Variants in LRP11 observed in about 807,000 individuals in gnomAD.
LRP11 encodes the protein LDL receptor related protein 11.
Under a neutral mutation model 43.1 loss-of-function variants are expected in LRP11, and 25 were observed. The ratio of observed to expected loss-of-function variants is 0.58; its 90% CI spans 0.42 to 0.81. The LOEUF (loss-of-function observed/expected upper bound fraction) is 0.81. Among genes scored for constraint, LRP11 ranks in the 30% least tolerant of loss-of-function variants. The pLI is 0.00. For missense variants in LRP11, 623 were observed against 665.1 expected (o/e 0.94, Z 0.70); for synonymous variants, 316 against 299.4 (o/e 1.06, Z -0.57).
intron 1 of LRP11, among the ~76,000 whole-genome samples, chr6:149,856,796 T>C (rs1256184494): frequency 6.6e-6 from 1 of 152,076 alleles, no homozygotes. Context: ...AGAGCCTCCA[T>C]GACAAGGAAG....
chr6:149,846,182 G>A (rs1048837537), intron 2 of LRP11, among the ~76,000 whole-genome samples: 1 of 152,234 alleles, frequency 6.6e-6, no homozygotes, highest in East Asian at 1.9e-4. Context: ...AGGGCAAGGT[G>A]CAGGTGGTGA....
At chr6:149,843,188 C>T (rs1050862354) in intron 2 of LRP11, 64 bp from the exon 3 acceptor site, 3 of 1,598,672 alleles carry the variant, frequency 1.9e-6, no homozygotes, top group Admixed American at 1.7e-5. Context: ...CAACACCATC[C>T]TCAACCGAAA....
intron 2 of LRP11, among the ~76,000 whole-genome samples, chr6:149,844,341 T>G (rs1402313043): frequency 6.6e-6 from 1 of 152,196 alleles, no homozygotes; most frequent in Non-Finnish European, 1.5e-5. Flanking sequence ...CCCTGCTTCC[T>G]TGGCCTCCTT....
At position 149,863,801 on chromosome 6, in the gene LRP11, C is replaced by A; in HGVS notation, c.220G>T (p.Glu74Ter). The A allele has an allele frequency of 1.3e-6, 2 of 1,499,134 alleles. No homozygotes were observed. The highest frequency in any genetic ancestry group is 1.8e-6 in the Non-Finnish European group (2 of 1,132,364). 92.9% of individuals were successfully genotyped at this position (1,499,134 alleles called of 1,614,324 possible). A position where few individuals can be genotyped will look rare whatever the true frequency, so the allele number is the denominator to read the frequency against. Residue 74 changes from glutamate (E) to a stop codon, truncating the protein, a stop_gained, in exon 1 of 7, where the codon GAG becomes TAG. Transcript: ENST00000239367. LOFTEE classifies it high-confidence loss of function. ...CCCGCGCGCAGCTCCAGCTCCAGCTCCTCCTGAGGCCGCTCCTGCTGCAGT... is the reference window on the plus strand; with the variant it reads ...CCCGCGCGCAGCTCCAGCTCCAGCTACTCCTGAGGCCGCTCCTGCTGCAGT... ...RQLQQERPQE[E>*]LELELRAGGG...
At chr6:149,862,203 C>G (rs1776914141) in intron 1 of LRP11, among the ~76,000 whole-genome samples, 1 of 152,168 alleles carries the variant, frequency 6.6e-6, no homozygotes, top group South Asian at 2.1e-4. Context: ...TGAGCCTCAT[C>G]TAAGGTAGAG....
At chr6:149,857,447 G>C (rs1776816274) in intron 1 of LRP11, among the ~76,000 whole-genome samples, 1 of 151,532 alleles carries the variant, frequency 6.6e-6, no homozygotes, top group Admixed American at 6.6e-5. Context: ...CAAAGCTACG[G>C]TGAGCCAAGA....
Position 149,846,282 on chromosome 6 carries a change from G to A in LRP11, c.772-3158C>T, listed in dbSNP as rs554261628. 1.2e-4 allele frequency among the ~76,000 whole-genome samples: 18 copies of A among 152,350 alleles called. No individual in the cohort carries two copies. In the South Asian group the frequency reaches 3.7e-3, roughly 32 times the overall value. On this transcript the variant is annotated intron_variant, in intron 2 of 6. Transcript: ENST00000239367. ...TAGCTCGGAACCAGGCTGGTGGGCA[G>A]CAGTGCAATAGCTTATGCCCTCATT...
intron 3 of LRP11, among the ~76,000 whole-genome samples, chr6:149,839,044 A>T (rs1001479384): frequency 2.6e-5 from 4 of 151,088 alleles, no homozygotes; most frequent in Non-Finnish European, 4.4e-5. Context: ...TCTTGGACAT[A>T]CACTTGGTTT....
At chr6:149,847,876 C>CAT (rs1776662368) in intron 2 of LRP11, among the ~76,000 whole-genome samples, 1 of 127,120 alleles carries the variant, frequency 7.9e-6, no homozygotes, top group Admixed American at 8.1e-5. Context: ...CACACACACA[C>CAT]ACATTGTATA....
chr6:149,850,082 C>A (rs779681448), intron 2 of LRP11, among the ~76,000 whole-genome samples: 1 of 152,052 alleles, frequency 6.6e-6, no homozygotes, highest in Non-Finnish European at 1.5e-5. Flanking sequence ...AGGAGATGGG[C>A]GCTCAGGGGA....
intron 5 of LRP11, among the ~76,000 whole-genome samples, chr6:149,835,365 C>T (rs1289192831): frequency 1.3e-5 from 2 of 152,156 alleles, no homozygotes; most frequent in African/African-American, 2.4e-5. Flanking sequence ...GGAGGCCAGC[C>T]GAGGTGGGCA....
chr6:149,825,794 G>A (rs551994507), intron 6 of LRP11, among the ~76,000 whole-genome samples: 8 of 152,000 alleles, frequency 5.3e-5, no homozygotes, highest in African/African-American at 1.7e-4. Flanking sequence ...GACTACAGGC[G>A]AATGTCACCA....
chr6:149,827,994 C>T lies in LRP11; in HGVS notation c.1253-1635G>A, dbSNP rs993972825. Among the ~76,000 whole-genome samples the T allele has an allele frequency of 1.3e-5, 2 of 149,182 alleles. No individual in the cohort carries two copies. The highest frequency in any genetic ancestry group is 2.1e-4 in the South Asian group (1 of 4,700). On this transcript the variant is annotated intron_variant, in intron 5 of 6. Transcript: ENST00000239367. This position sits in a 1 kb window ranked among gnomAD's most constrained non-coding sequence, Gnocchi z 4.2. ...CCGAGATCGCGCCACTGCACTCCAG[C>T]CTGGGCGACTGAGCAAGACTCCGTC... is the stretch of plus-strand genomic sequence containing the variant.
At chr6:149,856,886 C>T (rs61292046) in intron 1 of LRP11, among the ~76,000 whole-genome samples, 16,301 of 151,896 alleles carry the variant, frequency 0.11, 2,389 homozygotes, top group African/African-American at 0.34. Context: ...GGTACGGAAG[C>T]GGGGCGAGAC....
intron 1 of LRP11, among the ~76,000 whole-genome samples, chr6:149,854,417 T>C (rs1776768628): frequency 6.6e-6 from 1 of 152,206 alleles, no homozygotes. Flanking sequence ...TATATTTACC[T>C]TTAACCTAGA....
chr6:149,844,588 C>T (rs940916300), intron 2 of LRP11, among the ~76,000 whole-genome samples: 2 of 152,212 alleles, frequency 1.3e-5, no homozygotes, highest in African/African-American at 2.4e-5. Flanking sequence ...ATTCTATTAC[C>T]TATTTAATAT....
chr6:149,853,406 A>G (rs1480655986), intron 1 of LRP11, among the ~76,000 whole-genome samples: 5 of 152,202 alleles, frequency 3.3e-5, no homozygotes, highest in Non-Finnish European at 7.3e-5. Flanking sequence ...AGGTCCCACC[A>G]ATGTGTAAAT....
At chr6:149,853,465 A>G (rs772687850) in intron 1 of LRP11, among the ~76,000 whole-genome samples, 8 of 152,190 alleles carry the variant, frequency 5.3e-5, no homozygotes, top group Non-Finnish European at 1.0e-4. Flanking sequence ...CTTAATTTTA[A>G]AATCACTTAA....
intron 3 of LRP11, 22 bp downstream of exon 3, chr6:149,842,961 G>A (rs774980163): frequency 6.8e-6 from 11 of 1,613,282 alleles, no homozygotes; most frequent in Admixed American, 3.3e-5. Flanking sequence ...AGTGGGAAGC[G>A]AGGGAAGGAC....
Sources: allele counts gnomAD v4.1 joint callset (sites outside exome capture counted in the v4.1 genomes callset), GRCh38; gene constraint gnomAD v4.1.1; non-coding constraint Gnocchi (gnomAD v3.1); transcripts MANE v1.5; gene names NCBI Gene and HGNC (gene_info 2026-07-23, HGNC 2026-07-21).